The following GPATCH2 variants were observed in gnomAD, a reference collection of about 807,000 sequenced individuals.
GPATCH2 encodes G patch domain-containing protein 2.
A neutral mutation model predicts 58.0 loss-of-function variants in GPATCH2; 51 were observed. The ratio of observed to expected loss-of-function variants is 0.88; its 90% CI spans 0.70 to 1.11. The LOEUF (loss-of-function observed/expected upper bound fraction) is 1.11, where lower values mean the gene tolerates loss of function less well. GPATCH2 is among the 50% of genes most tolerant of loss of function. The pLI is 0.00. For missense variants in GPATCH2, 625 were observed against 652.2 expected, an observed-to-expected ratio of 0.96 and a Z score of 0.45; for synonymous variants, 222 against 218.5, an observed-to-expected ratio of 1.02 and a Z score of -0.14.
At chr1:217,579,893 G>A (rs1666980321) in intron 5 of GPATCH2, among the ~76,000 whole-genome samples, 1 of 152,116 alleles carries the variant, frequency 6.6e-6, no homozygotes, top group South Asian at 2.1e-4. Context: ...CTCAGTGACT[G>A]TCTATATGGT....
rs1658472764 is a variant in GPATCH2, at chr1:217,430,328, A to G, written c.*817T>C. ...TACACTTGAGTTGATCTTAAAAATA[A>G]TATCAATCTTTGGGAAAACAGAGGT... On this transcript the variant is annotated 3_prime_UTR_variant, in exon 10 of 10. Transcript: ENST00000366935. 6.6e-6 allele frequency: 1 copy of G among 152,236 alleles called. No individual in the cohort carries two copies. The highest frequency in any genetic ancestry group is 1.5e-5 in the Non-Finnish European group (1 of 68,036). The allele number at this position is 152,236 out of a possible 1,614,324, so 9.4% of individuals were successfully genotyped here. A position where few individuals can be genotyped will look rare whatever the true frequency, so the allele number is the denominator to read the frequency against.
intron 6 of GPATCH2, among the ~76,000 whole-genome samples, chr1:217,499,573 T>A (rs913382182): frequency 2.0e-5 from 3 of 152,158 alleles, no homozygotes; most frequent in Non-Finnish European, 4.4e-5. Flanking sequence ...TAGATAGTGA[T>A]AGTGATGCTT....
chr1:217,595,376 A>G (rs976771225), intron 5 of GPATCH2, among the ~76,000 whole-genome samples: 8 of 152,248 alleles, frequency 5.3e-5, no homozygotes, highest in African/African-American at 1.7e-4. Flanking sequence ...CAGTGTTTTC[A>G]AAAGTAACAT....
intron 5 of GPATCH2, among the ~76,000 whole-genome samples, chr1:217,584,889 C>A (rs1033399848): frequency 6.6e-6 from 1 of 151,732 alleles, no homozygotes; most frequent in African/African-American, 2.4e-5. Flanking sequence ...TTTTAAAAAT[C>A]CAACCGTATG....
At chr1:217,622,160 A>G (rs1368896341) in intron 1 of GPATCH2, among the ~76,000 whole-genome samples, 1 of 152,216 alleles carries the variant, frequency 6.6e-6, no homozygotes, top group African/African-American at 2.4e-5. Context: ...CAGATTTAAT[A>G]TACATCTATG....
At chr1:217,441,057 A>G (rs1167726883) in intron 9 of GPATCH2, among the ~76,000 whole-genome samples, 1 of 152,172 alleles carries the variant, frequency 6.6e-6, no homozygotes, top group African/African-American at 2.4e-5. Context: ...AGACAATCCT[A>G]AGCAAAAAGA....
intron 8 of GPATCH2, among the ~76,000 whole-genome samples, chr1:217,465,353 A>G (rs1364701236): frequency 6.6e-6 from 1 of 152,246 alleles, no homozygotes; most frequent in Non-Finnish European, 1.5e-5. Context: ...CAAATTTTTA[A>G]AACAACAAAG....
intron 7 of GPATCH2, among the ~76,000 whole-genome samples, chr1:217,494,339 A>G (rs1237623277): frequency 1.3e-5 from 2 of 152,318 alleles, no homozygotes; most frequent in East Asian, 3.9e-4. Flanking sequence ...AACTACAGAG[A>G]TCTCTGGGTC....
At chr1:217,488,067 A>T (rs990121435) in intron 8 of GPATCH2, among the ~76,000 whole-genome samples, 21 of 152,114 alleles carry the variant, frequency 1.4e-4, no homozygotes, top group Non-Finnish European at 2.5e-4. Flanking sequence ...AAAAAAAAAA[A>T]TTTGGTACTG....
intron 8 of GPATCH2, among the ~76,000 whole-genome samples, chr1:217,460,809 T>C (rs765578490): frequency 6.6e-6 from 1 of 152,260 alleles, no homozygotes; most frequent in Non-Finnish European, 1.5e-5. Context: ...TAATTCTCTA[T>C]AGACACAATT....
At chr1:217,461,814 T>C (rs1312722583) in intron 8 of GPATCH2, among the ~76,000 whole-genome samples, 4 of 152,172 alleles carry the variant, frequency 2.6e-5, no homozygotes, top group Non-Finnish European at 5.9e-5. Context: ...TTTCACTAAC[T>C]GTAACTTTAT....
intron 5 of GPATCH2, among the ~76,000 whole-genome samples, chr1:217,577,960 T>C (rs1280347213): frequency 6.6e-6 from 1 of 151,756 alleles, no homozygotes; most frequent in Non-Finnish European, 1.5e-5. Flanking sequence ...TTGGTCAGGC[T>C]GGTCTCGAAC....
At chr1:217,580,655 C>T (rs181837382) in intron 5 of GPATCH2, among the ~76,000 whole-genome samples, 2 of 152,154 alleles carry the variant, frequency 1.3e-5, no homozygotes, top group East Asian at 3.9e-4. Context: ...TTCCTTTCCC[C>T]AACTATCTTC....
intron 8 of GPATCH2, among the ~76,000 whole-genome samples, chr1:217,486,073 G>C (rs1263801141): frequency 6.6e-6 from 1 of 152,164 alleles, no homozygotes; most frequent in African/African-American, 2.4e-5. Flanking sequence ...AAAATTGCCT[G>C]CTGGGATTTT....
intron 5 of GPATCH2, among the ~76,000 whole-genome samples, chr1:217,518,290 G>C (rs931353518): frequency 5.3e-5 from 8 of 152,104 alleles, no homozygotes; most frequent in Non-Finnish European, 8.8e-5. Context: ...TTTAACAATA[G>C]TTGTACAAGT....
chr1:217,547,671 T>C (rs1571898489), intron 5 of GPATCH2, among the ~76,000 whole-genome samples: 1 of 152,186 alleles, frequency 6.6e-6, no homozygotes, highest in African/African-American at 2.4e-5. Flanking sequence ...ACAGACACCA[T>C]GGAATACTAT....
intron 5 of GPATCH2, chr1:217,608,607 T>G (rs1221309180): frequency 1.0e-6 from 1 of 985,156 alleles, no homozygotes; most frequent in Non-Finnish European, 1.2e-6. Context: ...TAAAAATAGG[T>G]AAAACTGAAC....
At chr1:217,608,991 T>C in intron 5 of GPATCH2, 1 of 978,338 alleles carries the variant, frequency 1.0e-6, no homozygotes, top group African/African-American at 1.7e-5. Flanking sequence ...CAATGGCAAC[T>C]TGAAGTTTCT....
chr1:217,572,396 T>C (rs2102721258), intron 5 of GPATCH2, among the ~76,000 whole-genome samples: 1 of 152,286 alleles, frequency 6.6e-6, no homozygotes, highest in East Asian at 1.9e-4. Flanking sequence ...AGAGTTTCCA[T>C]AAAGCCTGGA....
Sources: allele counts gnomAD v4.1 joint callset (sites outside exome capture counted in the v4.1 genomes callset), GRCh38; gene constraint gnomAD v4.1.1; transcripts MANE v1.5; gene names NCBI Gene and HGNC (gene_info 2026-07-23, HGNC 2026-07-21).